GRAMD1B: variants seen among roughly 807,000 people sequenced by gnomAD.
The protein encoded by GRAMD1B is protein Aster-B.
A neutral mutation model predicts 99.7 loss-of-function variants in GRAMD1B; 37 were observed. That is an observed-to-expected ratio of 0.37 (90% CI 0.29 to 0.49). The LOEUF is 0.49. Among genes scored for constraint, GRAMD1B ranks in the 20% least tolerant of loss-of-function variants. GRAMD1B has a pLI of 0.98. For missense variants in GRAMD1B, 888 were observed against 1,009.2 expected (o/e 0.88, Z 1.63); for synonymous variants, 427 against 387.6 (o/e 1.10, Z -1.19).
intron 1 of GRAMD1B, among the ~76,000 whole-genome samples, chr11:123,396,467 G>A (rs1947468562): frequency 1.3e-5 from 2 of 151,744 alleles, no homozygotes; most frequent in South Asian, 4.2e-4. Context: ...GTAGAGATGG[G>A]GTTTCGCCAT....
At chr11:123,514,505 T>G (rs1012894113) in intron 2 of GRAMD1B, among the ~76,000 whole-genome samples, 1 of 152,220 alleles carries the variant, frequency 6.6e-6, no homozygotes, top group Non-Finnish European at 1.5e-5. Context: ...CTGCAGATAG[T>G]CACTGAATGG....
Position 123,609,782 on chromosome 11 carries a change from C to T in GRAMD1B, c.1658-13C>T. 6.9e-7 allele frequency: 1 copy of T among 1,444,788 alleles called. No homozygotes were observed. The highest frequency in any genetic ancestry group is 9.6e-7 in the Non-Finnish European group (1 of 1,040,566). 89.5% of individuals were successfully genotyped at this position (1,444,788 alleles called of 1,614,324 possible). On this transcript the variant is annotated splice_polypyrimidine_tract_variant and intron_variant, in intron 12 of 19. Coordinates refer to ENST00000635736, the MANE Select transcript of GRAMD1B (RefSeq NM_001387025.1). ...CCTCCCTTCCTCATTCCAGGGCTCT[C>T]CTCTACCCTTAGATATCATCTTCCA...
Position 123,543,871 on chromosome 11 carries a change from C to T in GRAMD1B, c.453-33496C>T, listed in dbSNP as rs950484239. On this transcript the variant is annotated intron_variant, in intron 2 of 19. Transcript: ENST00000635736. ...TTCATTTACTTGTTGTCTGTGACTGCTCTTGCCCTATCACAACAGAGTTCA... is the reference window on the plus strand; with the variant it reads ...TTCATTTACTTGTTGTCTGTGACTGTTCTTGCCCTATCACAACAGAGTTCA... Among the ~76,000 whole-genome samples, 50 of 152,210 alleles carry T rather than the reference C, an allele frequency of 3.3e-4. 1 individual carries two copies. Among genetic ancestry groups the T allele is most frequent in the African/African-American group, 1.1e-3 (46 of 41,448 alleles).
chr11:123,469,889 A>G lies in GRAMD1B; in HGVS notation c.375-10927A>G, dbSNP rs150258811. ...ACAGTTGTTGGGGATGTATTTATTT[A>G]CTTGCCAAGCCTTCTGCTAAGTGCT... On this transcript the variant is annotated intron_variant, in intron 1 of 19. Coordinates refer to ENST00000635736, the MANE Select transcript of GRAMD1B (RefSeq NM_001387025.1). Among the ~76,000 whole-genome samples the G allele has an allele frequency of 1.8e-3, 273 of 152,028 alleles. 1 individual carries two copies. Among genetic ancestry groups the G allele is most frequent in the South Asian group, 5.2e-3 (25 of 4,828 alleles).
At chr11:123,574,702 C>A (rs1026323883) in intron 2 of GRAMD1B, among the ~76,000 whole-genome samples, 1 of 152,086 alleles carries the variant, frequency 6.6e-6, no homozygotes, top group South Asian at 2.1e-4. Context: ...CAGTGTGGGG[C>A]ACTCATGAGA....
chr11:123,450,166 A>G (rs1257438677), intron 1 of GRAMD1B, among the ~76,000 whole-genome samples: 1 of 152,166 alleles, frequency 6.6e-6, no homozygotes, highest in East Asian at 1.9e-4. Flanking sequence ...TGGTGGACCC[A>G]GGGCCCTGGT....
chr11:123,452,043 G>A (rs1019427309), intron 1 of GRAMD1B, among the ~76,000 whole-genome samples: 2 of 151,908 alleles, frequency 1.3e-5, no homozygotes, highest in Non-Finnish European at 2.9e-5. Flanking sequence ...TATGTTTTCC[G>A]GGTTAGTCTT....
At chr11:123,583,395 CGTGTGT>C (rs754520823) in intron 3 of GRAMD1B, among the ~76,000 whole-genome samples, 1 of 81,120 alleles carries the variant, frequency 1.2e-5, no homozygotes, top group African/African-American at 4.3e-5. Context: ...TGTATGTGTG[CGTGTGT>C]GTGTGTGTCT....
intron 4 of GRAMD1B, among the ~76,000 whole-genome samples, chr11:123,589,356 G>C (rs144667664): frequency 1.3e-5 from 2 of 151,898 alleles, no homozygotes; most frequent in East Asian, 1.9e-4. Flanking sequence ...GTAGGAGTTT[G>C]TTAGGGGAGG....
At chr11:123,611,627 G>A (rs1458245828) in intron 14 of GRAMD1B, among the ~76,000 whole-genome samples, 2 of 152,038 alleles carry the variant, frequency 1.3e-5, no homozygotes, top group Non-Finnish European at 2.9e-5. Context: ...CTTAATTCCA[G>A]GTTCCTCAGA....
At chr11:123,564,251 C>T (rs913954185) in intron 2 of GRAMD1B, among the ~76,000 whole-genome samples, 1 of 152,244 alleles carries the variant, frequency 6.6e-6, no homozygotes, top group Non-Finnish European at 1.5e-5. Flanking sequence ...TGGGCCCAGA[C>T]TGCCTGGATT....
At chr11:123,618,868 T>A in intron 18 of GRAMD1B, 68 bp downstream of exon 18, 1 of 838,296 alleles carries the variant, frequency 1.2e-6, no homozygotes, top group Non-Finnish European at 2.0e-6. Flanking sequence ...TGTCTCCCAG[T>A]CTCCTTGGGA....
At chr11:123,576,274 A>G (rs1948700116) in intron 2 of GRAMD1B, among the ~76,000 whole-genome samples, 1 of 152,232 alleles carries the variant, frequency 6.6e-6, no homozygotes, top group Non-Finnish European at 1.5e-5. Context: ...AGGGGGGTCC[A>G]GGGTGTTCCT....
chr11:123,363,600 G>C (rs1946220894), intron 1 of GRAMD1B, among the ~76,000 whole-genome samples: 3 of 148,098 alleles, frequency 2.0e-5, no homozygotes, highest in Admixed American at 2.0e-4. Context: ...TTTTGGCACT[G>C]GGTTTGGTTC....
At chr11:123,457,136 A>AGAAAGAAAGAAAGAAAGAAAGAAT (rs1469694489) in intron 1 of GRAMD1B, among the ~76,000 whole-genome samples, 46 of 149,052 alleles carry the variant, frequency 3.1e-4, no homozygotes, top group African/African-American at 9.5e-4. Context: ...AAAGAAAGAA[A>AGAAAGAAAGAAAGAAAGAAAGAAT]GAATTAGAAC....
intron 2 of GRAMD1B, among the ~76,000 whole-genome samples, chr11:123,508,761 T>C (rs1940691278): frequency 6.6e-6 from 1 of 152,142 alleles, no homozygotes; most frequent in Non-Finnish European, 1.5e-5. Flanking sequence ...TCTTGGCTCA[T>C]AGCAACCTCT....
intron 2 of GRAMD1B, among the ~76,000 whole-genome samples, chr11:123,508,437 T>A (rs1009554449): frequency 2.0e-5 from 3 of 152,218 alleles, no homozygotes; most frequent in African/African-American, 7.2e-5. Context: ...CAGTGACCAT[T>A]AAATTTCAAC....
intron 2 of GRAMD1B, among the ~76,000 whole-genome samples, chr11:123,504,698 T>C (rs965654948): frequency 1.3e-5 from 2 of 152,192 alleles, no homozygotes; most frequent in Non-Finnish European, 2.9e-5. Context: ...TTTTTCTTTT[T>C]TGAGACAAGA....
chr11:123,598,298 A>G, intron 7 of GRAMD1B: 1 of 1,286,510 alleles, frequency 7.8e-7, no homozygotes, highest in Admixed American at 1.7e-5. Context: ...CCAAGTGGCC[A>G]AGTGGCAGGT....
Sources: gnomAD v4.1 joint callset for allele counts (sites outside exome capture counted in the v4.1 genomes callset) on GRCh38, gnomAD v4.1.1 for gene constraint, MANE v1.5 for transcripts, NCBI Gene and HGNC (gene_info 2026-07-23, HGNC 2026-07-21) for gene names.